Variants in NFIB observed in about 807,000 individuals in gnomAD.
NFIB encodes the protein nuclear factor I B.
In NFIB, 11 loss-of-function variants were observed where a neutral mutation model predicts 61.5. The ratio of observed to expected loss-of-function variants is 0.18; its 90% CI spans 0.11 to 0.30. The LOEUF is 0.30. NFIB is among the 10% of genes least tolerant of loss of function. The pLI is 1.00. For synonymous variants in NFIB, 260 were observed against 216.5 expected, an observed-to-expected ratio of 1.20 and a Z score of -1.76; for missense variants, 471 against 608.9, an observed-to-expected ratio of 0.77 and a Z score of 2.38.
chr9:14,263,348 C>T (rs2056948191), intron 2 of NFIB, among the ~76,000 whole-genome samples: 1 of 151,784 alleles, frequency 6.6e-6, no homozygotes, highest in Non-Finnish European at 1.5e-5. Flanking sequence ...TTCAGTTCTT[C>T]CCTATGAAGA....
At chr9:14,148,241 G>A (rs1469812260) in intron 5 of NFIB, among the ~76,000 whole-genome samples, 2 of 151,920 alleles carry the variant, frequency 1.3e-5, no homozygotes, top group Non-Finnish European at 2.9e-5. Context: ...TCCTACCACA[G>A]CCGCCCAAAT....
chr9:14,385,418 G>C (rs184084451), intron 1 of NFIB, among the ~76,000 whole-genome samples: 356 of 152,270 alleles, frequency 2.3e-3, no homozygotes, highest in African/African-American at 8.3e-3. Flanking sequence ...AGAGGGGGTT[G>C]GGAGGCCTTT....
Position 14,118,941 on chromosome 9 carries a change from T to A in NFIB, c.1245+1499A>T, listed in dbSNP as rs184999868. Among the ~76,000 whole-genome samples, 236 of 152,106 alleles carry A rather than the reference T, an allele frequency of 1.6e-3. 2 individuals are homozygous for A. The highest frequency in any genetic ancestry group is 8.4e-4 in the Non-Finnish European group (57 of 67,920). ...AACAAGCACTGAATAATTAAAGAAA[T>A]GTGTAACACTAAGGGCCTGATTTTA... is the stretch of plus-strand genomic sequence containing the variant. On this transcript the variant is annotated intron_variant, in intron 8 of 10. Coordinates refer to ENST00000380953, the MANE Select transcript of NFIB (RefSeq NM_001190737.2).
the NFIB span, among the ~76,000 whole-genome samples, chr9:14,449,686 T>C: frequency 1.3e-5 from 2 of 152,088 alleles, no homozygotes; most frequent in African/African-American, 2.4e-5. Flanking sequence ...TCCCAGCAAT[T>C]TGGGAGGCTG....
chr9:14,155,752 C>A, intron 4 of NFIB, 73 bp downstream of exon 4: 1 of 906,430 alleles, frequency 1.1e-6, no homozygotes, highest in Admixed American at 2.8e-5. Flanking sequence ...CTTTATACTA[C>A]ATTTAAGGTT....
chr9:14,327,103 AT>A (rs5896626), intron 1 of NFIB, among the ~76,000 whole-genome samples: 110,424 of 151,500 alleles, frequency 0.73, 42,733 homozygotes, highest in East Asian at 0.89. Flanking sequence ...TTACTAAGGT[AT>A]TTTTTTTTTA....
In NFIB at chr9:14,167,641, A is replaced by G. The variant is rs34489185; in HGVS notation, c.617-11748T>C. The stretch of plus-strand genomic sequence containing the variant: ...CCTCAATAAAGTTAGCAAGTGACCT[A>G]TAAAGAGTGGTTTCCAAATTTTCAA... On this transcript the variant is annotated intron_variant, in intron 3 of 10. Transcript: ENST00000380953. Among the ~76,000 whole-genome samples the G allele has an allele frequency of 6.7e-3, 1,026 of 152,336 alleles. 6 individuals are homozygous for G. The highest frequency in any genetic ancestry group is 0.012 in the Non-Finnish European group (806 of 68,022).
chr9:14,494,646 T>C, the NFIB span, among the ~76,000 whole-genome samples: 1 of 152,222 alleles, frequency 6.6e-6, no homozygotes, highest in African/African-American at 2.4e-5. Context: ...TGCTTCGCTT[T>C]CATTTCTGAA....
intron 1 of NFIB, among the ~76,000 whole-genome samples, chr9:14,339,013 A>C (rs1322059588): frequency 1.3e-5 from 2 of 152,206 alleles, no homozygotes; most frequent in African/African-American, 4.8e-5. Flanking sequence ...CATTCTGCTC[A>C]TGAGCCTGGG....
chr9:14,387,867 A>G (rs2061567100), intron 1 of NFIB, among the ~76,000 whole-genome samples: 1 of 152,214 alleles, frequency 6.6e-6, no homozygotes, highest in Admixed American at 6.5e-5. Flanking sequence ...TAATACTCAT[A>G]GAGCACAGTG....
At chr9:14,281,219 T>C (rs1012394288) in intron 2 of NFIB, among the ~76,000 whole-genome samples, 1 of 152,188 alleles carries the variant, frequency 6.6e-6, no homozygotes, top group African/African-American at 2.4e-5. Context: ...CAATTAAACA[T>C]ATAATGCAAA....
At chr9:14,129,133 C>A (rs1004092887) in intron 6 of NFIB, among the ~76,000 whole-genome samples, 4 of 151,864 alleles carry the variant, frequency 2.6e-5, no homozygotes, top group Admixed American at 6.6e-5. Context: ...CAAAAGGAAC[C>A]ACAAACTCTT....
At chr9:14,121,275 A>G (rs1448104395) in intron 7 of NFIB, among the ~76,000 whole-genome samples, 1 of 152,196 alleles carries the variant, frequency 6.6e-6, no homozygotes, top group Admixed American at 6.5e-5. Context: ...CAAACAAACA[A>G]AAAACATTTT....
upstream of NFIB, among the ~76,000 whole-genome samples, chr9:14,401,175 CA>C (rs1361036680): frequency 6.6e-6 from 1 of 152,156 alleles, no homozygotes; most frequent in Non-Finnish European, 1.5e-5. Flanking sequence ...TGAAAAGGCT[CA>C]TTGTGTGTCT....
chr9:14,162,706 G>C (rs769753591), intron 3 of NFIB, among the ~76,000 whole-genome samples: 2 of 151,952 alleles, frequency 1.3e-5, no homozygotes, highest in Non-Finnish European at 2.9e-5. Flanking sequence ...CATCTTCCTT[G>C]AATCTGTTGC....
rs2060903970 is a variant in NFIB, at chr9:14,337,978, T to C, written c.109-30458A>G. Among the ~76,000 whole-genome samples, 3 of 152,256 alleles carry C rather than the reference T, an allele frequency of 2.0e-5. 1 individual carries two copies. The South Asian group carries it at 6.2e-4, about 32-fold the overall frequency. On this transcript the variant is annotated intron_variant, in intron 1 of 8. Transcript: ENST00000380934. ...TAGACTGGGCAGTAAATGCATGTAC[T>C]GGCCACTTTCCCTTTGTCCCTCTGT... is the stretch of plus-strand genomic sequence containing the variant.
At chr9:14,525,252 C>T in the NFIB span, among the ~76,000 whole-genome samples, 1 of 152,254 alleles carries the variant, frequency 6.6e-6, no homozygotes, top group Admixed American at 6.5e-5. Context: ...AGGCAATGGT[C>T]AAACACCTTA....
intron 2 of NFIB, among the ~76,000 whole-genome samples, chr9:14,191,174 A>T (rs1325999057): frequency 1.3e-5 from 2 of 152,052 alleles, no homozygotes; most frequent in Non-Finnish European, 2.9e-5. Context: ...CTAAAAATAC[A>T]ATAATTAGCT....
chr9:14,472,911 G>C, the NFIB span, among the ~76,000 whole-genome samples: 32 of 152,274 alleles, frequency 2.1e-4, no homozygotes, highest in African/African-American at 7.5e-4. Context: ...ACCAAAGCTG[G>C]TTTTTCACCA....
Sources: gnomAD v4.1 joint callset for allele counts (sites outside exome capture counted in the v4.1 genomes callset) on GRCh38, gnomAD v4.1.1 for gene constraint, MANE v1.5 for transcripts, NCBI Gene and HGNC (gene_info 2026-07-23, HGNC 2026-07-21) for gene names.